EPHA3: variants seen among roughly 807,000 people sequenced by gnomAD.
The protein encoded by EPHA3 is EPH receptor A3, also known as ephrin type-A receptor 3.
In EPHA3, 42 loss-of-function variants were observed where a neutral mutation model predicts 107.1. The observed-to-expected ratio is 0.39, with a 90% confidence interval of 0.31 to 0.51. The LOEUF (loss-of-function observed/expected upper bound fraction) is 0.51. Ranked by LOEUF, EPHA3 falls within the 20% of genes least tolerant of loss-of-function variation. The pLI, the probability that EPHA3 is intolerant of heterozygous loss-of-function variation, is 0.78. For missense variants in EPHA3, 1,183 were observed against 1,211.2 expected, an observed-to-expected ratio of 0.98 and a Z score of 0.35; for synonymous variants, 461 against 424.8, an observed-to-expected ratio of 1.09 and a Z score of -1.05.
intron 2 of EPHA3, among the ~76,000 whole-genome samples, chr3:89,177,850 A>G (rs1705352885): frequency 1.3e-5 from 2 of 151,430 alleles, no homozygotes; most frequent in Admixed American, 6.6e-5. Context: ...TCTTTCCCTC[A>G]CTCGTTTTAT....
intron 3 of EPHA3, among the ~76,000 whole-genome samples, chr3:89,280,008 A>G (rs1275874868): frequency 6.7e-6 from 1 of 150,334 alleles, no homozygotes; most frequent in East Asian, 2.0e-4. Flanking sequence ...CAATGTTTCA[A>G]CAATTCTTGT....
intron 11 of EPHA3, among the ~76,000 whole-genome samples, chr3:89,425,290 G>A (rs1156937925): frequency 6.6e-6 from 1 of 150,952 alleles, no homozygotes; most frequent in African/African-American, 2.4e-5. Flanking sequence ...TTATCAGTTA[G>A]GTATGATATG....
At chr3:89,150,125 G>C (rs1030293600) in intron 2 of EPHA3, among the ~76,000 whole-genome samples, 2 of 151,862 alleles carry the variant, frequency 1.3e-5, no homozygotes, top group African/African-American at 4.8e-5. Context: ...ATTCTTAACG[G>C]ATATTGATTT....
intron 14 of EPHA3, 71 bp from the exon 15 acceptor site, chr3:89,450,106 C>T (rs1222383888): frequency 1.6e-6 from 2 of 1,284,854 alleles, no homozygotes; most frequent in Non-Finnish European, 2.1e-6. Flanking sequence ...TGAGCCCCGC[C>T]CATGAAAACG....
chr3:89,124,959 A>T (rs940578828), intron 1 of EPHA3, among the ~76,000 whole-genome samples: 1 of 151,884 alleles, frequency 6.6e-6, no homozygotes, highest in African/African-American at 2.4e-5. Flanking sequence ...TGCTGATGTG[A>T]TTAGTCCAGT....
At chr3:89,183,414 T>C (rs1416197779) in intron 2 of EPHA3, among the ~76,000 whole-genome samples, 5 of 151,822 alleles carry the variant, frequency 3.3e-5, no homozygotes, top group Non-Finnish European at 7.4e-5. Flanking sequence ...TGCAATTAGA[T>C]CTTCTCTTGC....
At chr3:89,445,969 C>G (rs992833238) in intron 13 of EPHA3, among the ~76,000 whole-genome samples, 43 of 152,070 alleles carry the variant, frequency 2.8e-4, no homozygotes, top group African/African-American at 9.2e-4. Context: ...AGTTGTCATT[C>G]TAACAATAAT....
At chr3:89,455,995 T>C (rs562450491) in intron 15 of EPHA3, among the ~76,000 whole-genome samples, 4 of 152,322 alleles carry the variant, frequency 2.6e-5, no homozygotes, top group African/African-American at 9.6e-5. Context: ...GTATTACCAG[T>C]GCAGATTGAT....
At chr3:89,135,910 A>T (rs1704300023) in intron 2 of EPHA3, among the ~76,000 whole-genome samples, 1 of 152,176 alleles carries the variant, frequency 6.6e-6, no homozygotes, top group African/African-American at 2.4e-5. Context: ...GAATGAAAAT[A>T]ATAAAAATAC....
Position 89,210,309 on chromosome 3 carries a change from G to C in EPHA3, c.603G>C (p.Lys201Asn), listed in dbSNP as rs775318326. 3 of 1,613,736 alleles carry C rather than the reference G, an allele frequency of 1.9e-6. No homozygotes were observed. The highest frequency in any genetic ancestry group is 2.2e-5 in the South Asian group (2 of 91,050). The change falls in exon 3 of 17, where the codon AAG becomes AAC. Residue 201 changes from lysine (K) to asparagine (N), a missense_variant. Coordinates refer to ENST00000336596, the MANE Select transcript of EPHA3 (RefSeq NM_005233.6). Reference sequence around the variant, plus strand: ...TGTCTGTGAGAGTATACTTCAAAAAGTGCCCATTTACAGTGAAGAATCTGG... The same window carrying C: ...TGTCTGTGAGAGTATACTTCAAAAACTGCCCATTTACAGTGAAGAATCTGG... ...ALVSVRVYFKKCPFTVKNLAM... is the reference protein window; with the variant it reads ...ALVSVRVYFKNCPFTVKNLAM...
chr3:89,145,286 C>CA (rs1704517226), intron 2 of EPHA3, among the ~76,000 whole-genome samples: 1 of 151,412 alleles, frequency 6.6e-6, no homozygotes, highest in Non-Finnish European at 1.5e-5. Context: ...AACAGACACA[C>CA]ACACACACAC....
At chr3:89,277,417 C>T (rs907712) in intron 3 of EPHA3, among the ~76,000 whole-genome samples, 75,543 of 151,814 alleles carry the variant, frequency 0.5, 19,754 homozygotes, top group African/African-American at 0.66. Context: ...ATATCATAGA[C>T]GACTAGATTT....
intron 2 of EPHA3, among the ~76,000 whole-genome samples, chr3:89,168,729 A>G (rs1173290428): frequency 1.3e-5 from 2 of 152,116 alleles, no homozygotes; most frequent in Non-Finnish European, 2.9e-5. Flanking sequence ...TCTAAATATT[A>G]CAAAATGCAT....
chr3:89,412,404 C>A (rs1239843578), intron 9 of EPHA3, among the ~76,000 whole-genome samples: 2 of 151,370 alleles, frequency 1.3e-5, no homozygotes, highest in African/African-American at 2.4e-5. Flanking sequence ...AGCTCCTTAG[C>A]GCCATTATTC....
chr3:89,219,276 G>A (rs6794682), intron 3 of EPHA3, among the ~76,000 whole-genome samples: 114,246 of 151,790 alleles, frequency 0.75, 43,885 homozygotes, highest in Admixed American at 0.83. Context: ...TGATTCTCCT[G>A]CCTCAGCCTC....
At chr3:89,242,363 TA>T (rs1704918175) in intron 3 of EPHA3, among the ~76,000 whole-genome samples, 1 of 152,246 alleles carries the variant, frequency 6.6e-6, no homozygotes, top group South Asian at 2.1e-4. Flanking sequence ...TCAGTGTGAA[TA>T]CAATGTCCAA....
intron 2 of EPHA3, among the ~76,000 whole-genome samples, chr3:89,182,002 A>G (rs370814427): frequency 6.7e-5 from 10 of 149,982 alleles, no homozygotes; most frequent in African/African-American, 2.5e-4. Context: ...AGTGATAATC[A>G]TTTTCATCCT....
At chr3:89,442,802 C>T (rs1709810006) in intron 13 of EPHA3, among the ~76,000 whole-genome samples, 1 of 152,174 alleles carries the variant, frequency 6.6e-6, no homozygotes, top group South Asian at 2.1e-4. Flanking sequence ...TGTTATCAGG[C>T]CTCCTAGAAT....
intron 2 of EPHA3, among the ~76,000 whole-genome samples, chr3:89,163,353 A>G (rs1704991532): frequency 6.6e-6 from 1 of 152,144 alleles, no homozygotes; most frequent in African/African-American, 2.4e-5. Flanking sequence ...GTTTGATACT[A>G]AATACTTTGC....
Sources: gnomAD v4.1 joint callset for allele counts (sites outside exome capture counted in the v4.1 genomes callset) on GRCh38, gnomAD v4.1.1 for gene constraint, MANE v1.5 for transcripts, NCBI Gene and HGNC (gene_info 2026-07-23, HGNC 2026-07-21) for gene names.